Variants in KANK1 observed in about 807,000 individuals in gnomAD.
KANK1 encodes KN motif and ankyrin repeat domains 1.
In KANK1, 109 loss-of-function variants were observed where a neutral mutation model predicts 106.2. The ratio of observed to expected loss-of-function variants is 1.03; its 90% CI spans 0.88 to 1.20. KANK1 has a LOEUF of 1.20. Ranked by LOEUF, KANK1 falls within the 50% of genes most tolerant of loss-of-function variation. The pLI is 0.00. For synonymous variants in KANK1, 873 were observed against 652.2 expected (o/e 1.34, Z -5.16); for missense variants, 2,399 against 1,710.7 (o/e 1.40, Z -7.10).
chr9:721,934 G>A (rs1485610249), intron 3 of KANK1, among the ~76,000 whole-genome samples: 1 of 152,248 alleles, frequency 6.6e-6, no homozygotes, highest in Non-Finnish European at 1.5e-5. Flanking sequence ...AGAAATTAGA[G>A]CTGTCATTAG....
At chr9:610,338 G>A (rs1211983781) in intron 1 of KANK1, among the ~76,000 whole-genome samples, 1 of 152,098 alleles carries the variant, frequency 6.6e-6, no homozygotes, top group East Asian at 1.9e-4. Flanking sequence ...TCTCCAAAGT[G>A]AACCATGATG....
chr9:560,367 G>A (rs1220337326), intron 1 of KANK1, among the ~76,000 whole-genome samples: 1 of 152,150 alleles, frequency 6.6e-6, no homozygotes, highest in East Asian at 1.9e-4. Flanking sequence ...TGTTGACTTT[G>A]TGCAATTCAC....
intron 1 of KANK1, among the ~76,000 whole-genome samples, chr9:580,717 T>A (rs959292811): frequency 6.6e-6 from 1 of 152,250 alleles, no homozygotes; most frequent in African/African-American, 2.4e-5. Flanking sequence ...ACCTAGTGGA[T>A]CCCGCACTGG....
chr9:703,584 T>G (rs1823242794), intron 2 of KANK1, among the ~76,000 whole-genome samples: 1 of 152,144 alleles, frequency 6.6e-6, no homozygotes, highest in Non-Finnish European at 1.5e-5. Context: ...TGGAAGCTAT[T>G]ACTCTCAGGA....
intron 2 of KANK1, chr9:684,262 A>G: frequency 3.0e-6 from 3 of 985,420 alleles, no homozygotes; most frequent in Non-Finnish European, 3.6e-6. Flanking sequence ...AGAAAGGATG[A>G]TTTATCTTCC....
chr9:602,416 T>C (rs903066167), intron 1 of KANK1, among the ~76,000 whole-genome samples: 2 of 151,544 alleles, frequency 1.3e-5, no homozygotes, highest in Admixed American at 6.6e-5. Flanking sequence ...TGCACCACCA[T>C]GCCCAGCTAA....
At chr9:619,616 G>A (rs1313243185) in intron 1 of KANK1, among the ~76,000 whole-genome samples, 1 of 152,124 alleles carries the variant, frequency 6.6e-6, no homozygotes. Context: ...GATAAGTGAT[G>A]ATCCACAAGA....
At chr9:543,527 C>G (rs1208027704) in intron 1 of KANK1, among the ~76,000 whole-genome samples, 1 of 149,926 alleles carries the variant, frequency 6.7e-6, no homozygotes, top group East Asian at 1.9e-4. Context: ...CCATTGCACT[C>G]CAGCCTGGGC....
chr9:715,850 T>A (rs1428068517), intron 3 of KANK1, among the ~76,000 whole-genome samples: 1 of 152,216 alleles, frequency 6.6e-6, no homozygotes, highest in Non-Finnish European at 1.5e-5. Context: ...CCATTTTTGT[T>A]ATCTGGCATT....
chr9:504,766 G>GTGCC lies in KANK1; in HGVS notation c.-84+12_-84+13insTGCC, dbSNP rs1587300030. 1 of 34,606 alleles carries GTGCC rather than the reference G, an allele frequency of 2.9e-5. No homozygotes were observed. Among genetic ancestry groups the GTGCC allele is most frequent in the East Asian group, 2.0e-3 (1 of 490 alleles). 2.1% of individuals were successfully genotyped at this position (34,606 alleles called of 1,614,324 possible). ...AGGAGCGGCCGAAGGTGAGTGACGC[G>GTGCC]GCGGGGCCGTGCCGCGCCCCGTGCC... On this transcript the variant is annotated intron_variant, in intron 1 of 11. Coordinates refer to ENST00000382297, the MANE Select transcript of KANK1 (RefSeq NM_015158.5).
chr9:520,340 A>G (rs975768938), intron 1 of KANK1, among the ~76,000 whole-genome samples: 4 of 151,680 alleles, frequency 2.6e-5, no homozygotes, highest in African/African-American at 2.4e-5. Flanking sequence ...CCCTGTCTCA[A>G]AAAAATAAAT....
intron 1 of KANK1, among the ~76,000 whole-genome samples, chr9:671,385 C>T (rs150569582): frequency 6.6e-6 from 1 of 151,994 alleles, no homozygotes; most frequent in Non-Finnish European, 1.5e-5. Context: ...GTGGCTCACA[C>T]CTGTAATCCC....
At chr9:699,498 G>A (rs988845607) in intron 2 of KANK1, among the ~76,000 whole-genome samples, 5 of 152,178 alleles carry the variant, frequency 3.3e-5, no homozygotes, top group African/African-American at 1.2e-4. Context: ...GTAGTGTGCA[G>A]GTTAATGTCT....
At chr9:706,836 C>T (rs916200920) in intron 2 of KANK1, 8 of 985,362 alleles carry the variant, frequency 8.1e-6, no homozygotes, top group Middle Eastern at 5.2e-4. Context: ...CTCAGGTGAC[C>T]GAGGGCTGGG....
At chr9:717,152 G>C (rs1280222361) in intron 3 of KANK1, among the ~76,000 whole-genome samples, 1 of 151,852 alleles carries the variant, frequency 6.6e-6, no homozygotes, top group Non-Finnish European at 1.5e-5. Flanking sequence ...AGGCGTGATG[G>C]CAGATGCCCG....
intron 1 of KANK1, among the ~76,000 whole-genome samples, chr9:660,603 C>G (rs1843073962): frequency 2.0e-5 from 3 of 152,160 alleles, no homozygotes. Flanking sequence ...TCAGCCACAC[C>G]TAGACCCCTA....
At chr9:689,681 C>T (rs1451983114) in intron 2 of KANK1, among the ~76,000 whole-genome samples, 1 of 152,142 alleles carries the variant, frequency 6.6e-6, no homozygotes, top group South Asian at 2.1e-4. Context: ...CCACTTTCTC[C>T]CTCATTGCAG....
chr9:517,775 G>C (rs1410694887), intron 1 of KANK1, among the ~76,000 whole-genome samples: 1 of 140,332 alleles, frequency 7.1e-6, no homozygotes, highest in East Asian at 2.1e-4. Context: ...GTCTCGCTCT[G>C]TCACCCAGGT....
At chr9:744,076 G>A (rs1340804509) in intron 10 of KANK1, among the ~76,000 whole-genome samples, 1 of 152,182 alleles carries the variant, frequency 6.6e-6, no homozygotes, top group Admixed American at 6.5e-5. Context: ...AAACCGAGGT[G>A]GTTTAGGGTT....
Sources: gnomAD v4.1 joint callset for allele counts (sites outside exome capture counted in the v4.1 genomes callset) on GRCh38, gnomAD v4.1.1 for gene constraint, MANE v1.5 for transcripts, NCBI Gene and HGNC (gene_info 2026-07-23, HGNC 2026-07-21) for gene names.